Variants in WDR17 observed in about 807,000 individuals in gnomAD.
WDR17 encodes WD repeat-containing protein 17.
In WDR17, 143 loss-of-function variants were observed where a neutral mutation model predicts 161.7. The ratio of observed to expected loss-of-function variants is 0.88; its 90% CI spans 0.77 to 1.02. WDR17 has a LOEUF of 1.02. Among genes scored for constraint, WDR17 ranks in the 50% least tolerant of loss-of-function variants. The probability of loss-of-function intolerance (pLI) is 0.00; values close to 1 mark genes in which losing one functional copy is unlikely to be tolerated. For missense variants in WDR17, 1,469 were observed against 1,520.9 expected, an observed-to-expected ratio of 0.97 and a Z score of 0.57; for synonymous variants, 517 against 515.6, an observed-to-expected ratio of 1.00 and a Z score of -0.04.
intron 1 of WDR17, among the ~76,000 whole-genome samples, chr4:176,109,046 T>A (rs1739279253): frequency 6.6e-6 from 1 of 152,198 alleles, no homozygotes; most frequent in African/African-American, 2.4e-5. Context: ...CATCTTGGCC[T>A]CCCAAAGTGC....
In WDR17 at chr4:176,145,980, T is replaced by C. The variant is rs765524993; in HGVS notation, c.1530-15T>C. On this transcript the variant is annotated splice_polypyrimidine_tract_variant and intron_variant, in intron 11 of 28. Coordinates refer to ENST00000508596, the MANE Select transcript of WDR17 (RefSeq NM_181265.4). ...ATATTTATCCTATGTCAATATTCCA[T>C]TGATGATATTTCAGAGACATGATAG... 5 of 1,607,418 alleles carry C rather than the reference T, an allele frequency of 3.1e-6. No homozygotes were observed. The African/African-American group carries it at 4.0e-5, about 13-fold the overall frequency.
chr4:176,176,590 T>C (rs1237406711), intron 26 of WDR17, among the ~76,000 whole-genome samples: 1 of 152,226 alleles, frequency 6.6e-6, no homozygotes, highest in Non-Finnish European at 1.5e-5. Flanking sequence ...TTCAAACTCC[T>C]ATGTGTATAT....
chr4:176,072,205 A>G lies in WDR17; in HGVS notation c.-7+6126A>G, dbSNP rs946677908. On this transcript the variant is annotated intron_variant, in intron 1 of 28. Transcript: ENST00000508596. ...AGGTAAACTCAGAAATGCTCAGGTA[A>G]ACTCAAGCATGTGAAAGGTAAACTA... Among the ~76,000 whole-genome samples the G allele has an allele frequency of 2.0e-5, 3 of 152,366 alleles. No individual in the cohort carries two copies. The East Asian group carries it at 5.8e-4, about 29-fold the overall frequency.
intron 1 of WDR17, among the ~76,000 whole-genome samples, chr4:176,082,073 C>T (rs1734818199): frequency 6.6e-6 from 1 of 151,770 alleles, no homozygotes; most frequent in Non-Finnish European, 1.5e-5. Context: ...GCTTTGTTTA[C>T]TTCTTGTTTA....
intron 1 of WDR17, among the ~76,000 whole-genome samples, chr4:176,075,677 C>T (rs1454082132): frequency 6.6e-6 from 1 of 151,976 alleles, no homozygotes; most frequent in Non-Finnish European, 1.5e-5. Context: ...GTTCGTTTTC[C>T]CTTCACACAT....
intron 18 of WDR17, among the ~76,000 whole-genome samples, chr4:176,158,300 T>C (rs1389000648): frequency 6.6e-6 from 1 of 152,178 alleles, no homozygotes; most frequent in Admixed American, 6.5e-5. Context: ...TATGTAGTGA[T>C]GTGGGGACTG....
chr4:176,180,764 A>T lies in WDR17; in HGVS notation c.*1185A>T, dbSNP rs947700719. The T allele has an allele frequency of 6.6e-5, 10 of 152,206 alleles. No homozygotes were observed. Among genetic ancestry groups the T allele is most frequent in the African/African-American group, 2.2e-4 (9 of 41,454 alleles). The allele number at this position is 152,206 out of a possible 1,614,324, so 9.4% of individuals were successfully genotyped here. A position where few individuals can be genotyped will look rare whatever the true frequency, so the allele number is the denominator to read the frequency against. On this transcript the variant is annotated 3_prime_UTR_variant, in exon 29 of 29. Transcript: ENST00000508596. ...GATTTGATGAAAATTAGTTTTAAGTAAATGTTTGTAAATAGATATTGGTTG... is the reference window on the plus strand; with the variant it reads ...GATTTGATGAAAATTAGTTTTAAGTTAATGTTTGTAAATAGATATTGGTTG...
Position 176,150,574 on chromosome 4 carries a change from A to T in WDR17, c.2285A>T (p.His762Leu), listed in dbSNP as rs1225268597. ...TGCAAAGGAATAATGCACTTGAAAC[A>T]TCTGATTAAATTTAGAACAGTGAGT... is the stretch of plus-strand genomic sequence containing the variant. ...NYCKGIMHLK[H>L]LIKFRTSEAQ... is the part of the protein sequence containing the mutation. Residue 762 changes from histidine to leucine, a missense_variant, in exon 16 of 29, where the codon CAT becomes CTT. Coordinates refer to ENST00000508596, the MANE Select transcript of WDR17 (RefSeq NM_181265.4). The T allele has an allele frequency of 6.2e-7, 1 of 1,604,694 alleles. No homozygotes were observed. Among genetic ancestry groups the T allele is most frequent in the Non-Finnish European group, 8.5e-7 (1 of 1,176,978 alleles).
At chr4:176,150,405 G>A in intron 15 of WDR17, 63 bp from the exon 16 acceptor site, 2 of 1,538,226 alleles carry the variant, frequency 1.3e-6, no homozygotes, top group Non-Finnish European at 1.7e-6. Flanking sequence ...TATTTTTGAA[G>A]ATGCAAAATA....
intron 4 of WDR17, among the ~76,000 whole-genome samples, chr4:176,123,672 C>T (rs1741963112): frequency 6.6e-6 from 1 of 152,212 alleles, no homozygotes; most frequent in African/African-American, 2.4e-5. Flanking sequence ...CGTGCTGTCT[C>T]CAGGCATGCC....
chr4:176,147,238 G>A (rs1746330922), intron 12 of WDR17, among the ~76,000 whole-genome samples: 1 of 152,124 alleles, frequency 6.6e-6, no homozygotes, highest in Non-Finnish European at 1.5e-5. Context: ...CTCCTATATA[G>A]TGCAAAATAG....
At chr4:176,071,330 C>CTTTTTTT (rs10654973) in intron 1 of WDR17, among the ~76,000 whole-genome samples, 1 of 143,576 alleles carries the variant, frequency 7.0e-6, no homozygotes, top group Non-Finnish European at 1.5e-5. Context: ...TTTCTTTTCT[C>CTTTTTTT]TTTTTTTTTT....
intron 24 of WDR17, 36 bp downstream of exon 24, chr4:176,172,552 C>G (rs771825744): frequency 6.6e-7 from 1 of 1,505,108 alleles, no homozygotes; most frequent in South Asian, 1.2e-5. Context: ...TTTAAATATA[C>G]TCATTTATTT....
intron 1 of WDR17, among the ~76,000 whole-genome samples, chr4:176,099,973 C>G (rs934262687): frequency 2.0e-5 from 3 of 152,108 alleles, no homozygotes; most frequent in African/African-American, 4.8e-5. Context: ...TTTTCATTAT[C>G]TGATCATCTG....
At chr4:176,141,199 G>A in intron 10 of WDR17, among the ~76,000 whole-genome samples, 1 of 152,152 alleles carries the variant, frequency 6.6e-6, no homozygotes, top group Non-Finnish European at 1.5e-5. Context: ...TATGGCAGGG[G>A]ATGGGGGATC....
chr4:176,081,570 A>G (rs1024455733), intron 1 of WDR17, among the ~76,000 whole-genome samples: 3 of 152,172 alleles, frequency 2.0e-5, no homozygotes, highest in Admixed American at 2.0e-4. Flanking sequence ...AAGTGCAAAT[A>G]ACAGAAAATC....
Position 176,167,661 on chromosome 4 carries a change from A to ACAAC in WDR17, c.2991-1011_2991-1010insCAAC, listed in dbSNP as rs1554036558. On this transcript the variant is annotated intron_variant, in intron 22 of 28. Coordinates refer to ENST00000508596, the MANE Select transcript of WDR17 (RefSeq NM_181265.4). ...CTCCGTCTCAAAAAAAAAAAAAAAA[A>ACAAC]AAAAAAAAAAACAATATCTTGAATT... Among the ~76,000 whole-genome samples the ACAAC allele has an allele frequency of 5.4e-4, 61 of 113,776 alleles. 5 individuals carry two copies. Among genetic ancestry groups the ACAAC allele is most frequent in the Middle Eastern group, 8.8e-3 (2 of 226 alleles). 74.6% of individuals were successfully genotyped at this position (113,776 alleles called of 152,430 possible).
At chr4:176,091,760 A>G (rs993347884) in intron 1 of WDR17, among the ~76,000 whole-genome samples, 1 of 152,122 alleles carries the variant, frequency 6.6e-6, no homozygotes, top group Non-Finnish European at 1.5e-5. Context: ...AAAAGACCTA[A>G]ATAAATTCAG....
chr4:176,071,749 C>T (rs939378810), intron 1 of WDR17, among the ~76,000 whole-genome samples: 4 of 152,310 alleles, frequency 2.6e-5, no homozygotes, highest in African/African-American at 9.6e-5. Context: ...CAGCACAAAA[C>T]GTTCTGTAAT....
Sources: gnomAD v4.1 joint callset for allele counts (sites outside exome capture counted in the v4.1 genomes callset) on GRCh38, gnomAD v4.1.1 for gene constraint, MANE v1.5 for transcripts, NCBI Gene and HGNC (gene_info 2026-07-23, HGNC 2026-07-21) for gene names.